Variants in FSIP2 observed in about 807,000 individuals in gnomAD.
FSIP2 encodes the protein fibrous sheath-interacting protein 2.
FSIP2 carries 367 observed loss-of-function variants against 510.5 expected under a neutral mutation model. The ratio of observed to expected loss-of-function variants is 0.72; its 90% CI spans 0.66 to 0.78. The LOEUF is 0.78. FSIP2 is among the 30% of genes least tolerant of loss of function. FSIP2 has a pLI of 0.00. For missense variants in FSIP2, 7,594 were observed against 7,901.7 expected, an observed-to-expected ratio of 0.96 and a Z score of 1.48; for synonymous variants, 2,601 against 2,732.2, an observed-to-expected ratio of 0.95 and a Z score of 1.50.
chr2:185,799,414 G>A (rs1185074374), intron 16 of FSIP2, among the ~76,000 whole-genome samples: 1 of 151,754 alleles, frequency 6.6e-6, no homozygotes, highest in African/African-American at 2.4e-5. Flanking sequence ...AAGCTTTCCA[G>A]CTTCTTAAGA....
Position 185,793,135 on chromosome 2 carries a change from A to ATACT in FSIP2, c.6002_6005dup (p.Ala2003LeufsTer7), listed in dbSNP as rs1165881270. On this transcript the variant is annotated frameshift_variant, in exon 16 of 23. Transcript: ENST00000424728. LOFTEE classifies it high-confidence loss of function. ...TGCCAACTGTCTTTGTCTAAATTAA[A>ATACT]TACTTATGCACTACAAGTGGCTAGA... 1 of 1,534,394 alleles carries ATACT rather than the reference A, an allele frequency of 6.5e-7. No individual in the cohort carries two copies. The highest frequency in any genetic ancestry group is 8.7e-7 in the Non-Finnish European group (1 of 1,145,650).
chr2:185,758,176 C>T (rs1482506438), intron 9 of FSIP2, among the ~76,000 whole-genome samples: 1 of 151,200 alleles, frequency 6.6e-6, no homozygotes, highest in Non-Finnish European at 1.5e-5. Flanking sequence ...TAGTTTGTTC[C>T]TTTCCATTGT....
intron 9 of FSIP2, among the ~76,000 whole-genome samples, chr2:185,758,100 T>C (rs1176536789): frequency 1.3e-5 from 2 of 151,338 alleles, no homozygotes; most frequent in East Asian, 1.9e-4. Context: ...TATGTAACTT[T>C]ATAAAAATGG....
In FSIP2 at chr2:185,788,851, C is replaced by T. The variant is rs370654031; in HGVS notation, c.1715C>T (p.Thr572Ile). 3.9e-6 allele frequency: 6 copies of T among 1,534,780 alleles called. No individual in the cohort carries two copies. Among genetic ancestry groups the T allele is most frequent in the Middle Eastern group, 1.7e-4 (1 of 5,988 alleles). Reference protein sequence around the residue: ...CSEDFTYRSYTSATTKTFQAE... With the variant: ...CSEDFTYRSYISATTKTFQAE... ...GAAGACTTTACATATAGAAGCTACA[C>T]ATCTGCAACAACTAAAACATTTCAG... Residue 572 changes from threonine (T) to isoleucine (I), a missense_variant, in exon 16 of 23, where the codon ACA becomes ATA. Coordinates refer to ENST00000424728, the MANE Select transcript of FSIP2 (RefSeq NM_173651.4).
In FSIP2 at chr2:185,806,423, A is replaced by ACCAAAGC; in HGVS notation, c.17120_17126dup (p.Pro5710LysfsTer5). 6.2e-7 allele frequency: 1 copy of ACCAAAGC among 1,612,164 alleles called. No individual in the cohort carries two copies. The highest frequency in any genetic ancestry group is 1.3e-5 in the African/African-American group (1 of 74,910). On this transcript the variant is annotated frameshift_variant, in exon 17 of 23. Transcript: ENST00000424728. LOFTEE classifies it high-confidence loss of function. ...GCATATTATTCGAAACTCAGTTATGACCAAAGCCCCCCAGGTGATAATGTA... is the reference window on the plus strand; with the variant it reads ...GCATATTATTCGAAACTCAGTTATGACCAAAGCCCAAAGCCCCCCAGGTGATAATGTA...
chr2:185,766,492 C>G (rs1256817802), intron 13 of FSIP2: 1 of 147,812 alleles, frequency 6.8e-6, no homozygotes, highest in Non-Finnish European at 1.5e-5. Context: ...ACAACCCCAT[C>G]AAAAAGTGGG....
At chr2:185,750,420 C>G (rs1417681362) in intron 7 of FSIP2, among the ~76,000 whole-genome samples, 1 of 151,364 alleles carries the variant, frequency 6.6e-6, no homozygotes, top group Non-Finnish European at 1.5e-5. Context: ...TTATAACATT[C>G]CTTTGTTATC....
chr2:185,756,615 G>A (rs957053290), intron 9 of FSIP2, among the ~76,000 whole-genome samples: 1 of 151,330 alleles, frequency 6.6e-6, no homozygotes. Context: ...TCTGAAATAT[G>A]TCAGAAATTA....
At position 185,803,722 on chromosome 2, in the gene FSIP2, A is replaced by C. The variant is rs2105644544; in HGVS notation, c.14416A>C (p.Ser4806Arg). ...AGTTACTCAGCTTACATCTCAGATA[A>C]GTCCATTGAACACCAGTGCAGAGCA... ...KIVTQLTSQI[S>R]PLNTSAEQSD... Residue 4806 changes from serine (S) to arginine (R), a missense_variant, in exon 17 of 23, where the codon AGT (serine) becomes CGT (arginine). By Grantham distance (110) the Ser-to-Arg change is moderately radical. Transcript: ENST00000424728. 1 of 1,533,058 alleles carries C rather than the reference A, an allele frequency of 6.5e-7. No homozygotes were observed. The highest frequency in any genetic ancestry group is 1.2e-5 in the South Asian group (1 of 83,954). 95.0% of individuals were successfully genotyped at this position (1,533,058 alleles called of 1,614,324 possible).
chr2:185,812,760 A>G (rs946668329), intron 17 of FSIP2, among the ~76,000 whole-genome samples: 6 of 152,104 alleles, frequency 3.9e-5, no homozygotes, highest in African/African-American at 9.6e-5. Context: ...AAAAAATTTT[A>G]AAGAGGTTCT....
chr2:185,738,549 G>A (rs530155325), upstream of FSIP2: 170 of 1,476,060 alleles, frequency 1.2e-4, no homozygotes, highest in South Asian at 9.6e-4. Flanking sequence ...GGAAGCCAGG[G>A]GAAATTAACC....
At chr2:185,751,014 T>A (rs1046487559) in intron 7 of FSIP2, among the ~76,000 whole-genome samples, 3 of 151,598 alleles carry the variant, frequency 2.0e-5, no homozygotes, top group Admixed American at 6.6e-5. Context: ...TCTGGTCATT[T>A]TGGGTAAATT....
At chr2:185,741,266 A>C (rs956912892) in intron 2 of FSIP2, among the ~76,000 whole-genome samples, 11 of 120,794 alleles carry the variant, frequency 9.1e-5, no homozygotes, top group African/African-American at 3.4e-4. Flanking sequence ...AATTCTCCCA[A>C]AATTTATTCA....
intron 17 of FSIP2, among the ~76,000 whole-genome samples, chr2:185,811,360 T>TA (rs1693724735): frequency 6.6e-6 from 1 of 151,626 alleles, no homozygotes; most frequent in Non-Finnish European, 1.5e-5. Context: ...TCCCAGCTAC[T>TA]TCGGAGGCTG....
chr2:185,803,911 G>A lies in FSIP2; in HGVS notation c.14605G>A (p.Ala4869Thr), dbSNP rs1693500351. The change falls in exon 17 of 23, where the codon GCT becomes ACT. Residue 4869 changes from alanine to threonine, a missense_variant. Transcript: ENST00000424728. ...DIQSMVDSIY[A>T]DLSHSNIYQS... ...CCAGTCTATGGTTGATTCCATTTATGCTGATCTTTCTCATTCAAATATATA... is the reference window on the plus strand; with the variant it reads ...CCAGTCTATGGTTGATTCCATTTATACTGATCTTTCTCATTCAAATATATA... 1 of 1,525,866 alleles carries A rather than the reference G, an allele frequency of 6.6e-7. No homozygotes were observed. The highest frequency in any genetic ancestry group is 8.8e-7 in the Non-Finnish European group (1 of 1,139,950). The allele number at this position is 1,525,866 out of a possible 1,614,324, so 94.5% of individuals were successfully genotyped here. A position where few individuals can be genotyped will look rare whatever the true frequency, so the allele number is the denominator to read the frequency against.
chr2:185,757,947 C>A (rs1026747614), intron 9 of FSIP2, among the ~76,000 whole-genome samples: 5 of 150,988 alleles, frequency 3.3e-5, no homozygotes, highest in African/African-American at 1.2e-4. Flanking sequence ...GCAGTCACAC[C>A]CTCCTTCCTC....
intron 16 of FSIP2, among the ~76,000 whole-genome samples, chr2:185,799,469 A>C (rs1399390921): frequency 1.3e-5 from 2 of 151,798 alleles, no homozygotes; most frequent in Non-Finnish European, 2.9e-5. Context: ...TTTGACTTAG[A>C]GGATTGAATT....
In FSIP2 at chr2:185,800,318, A is replaced by G; in HGVS notation, c.11012A>G (p.Asn3671Ser). 1.3e-6 allele frequency: 2 copies of G among 1,533,730 alleles called. No individual in the cohort carries two copies. Among genetic ancestry groups the G allele is most frequent in the Admixed American group, 2.0e-5 (1 of 50,798 alleles). Residue 3671 changes from asparagine (N) to serine (S), a missense_variant, in exon 17 of 23, where the codon AAT becomes AGT. Asn to Ser is a conservative substitution (Grantham distance 46). Coordinates refer to ENST00000424728, the MANE Select transcript of FSIP2 (RefSeq NM_173651.4). ...CAAATTGGTCAACTTTTTCAAAAAAATAAGTTAAGTTATCTTGCATGTAAG... is the reference window on the plus strand; with the variant it reads ...CAAATTGGTCAACTTTTTCAAAAAAGTAAGTTAAGTTATCTTGCATGTAAG... Reference protein sequence around the residue: ...TQQIGQLFQKNKLSYLACKLN... With the variant: ...TQQIGQLFQKSKLSYLACKLN...
At chr2:185,748,971 C>G (rs1404993524) in intron 7 of FSIP2, among the ~76,000 whole-genome samples, 1 of 151,932 alleles carries the variant, frequency 6.6e-6, no homozygotes, top group Non-Finnish European at 1.5e-5. Flanking sequence ...AGATTTTGCT[C>G]TTAATATCTT....
Sources: gnomAD v4.1 joint callset for allele counts (sites outside exome capture counted in the v4.1 genomes callset) on GRCh38, gnomAD v4.1.1 for gene constraint, MANE v1.5 for transcripts, NCBI Gene and HGNC (gene_info 2026-07-23, HGNC 2026-07-21) for gene names.